MAGI2: variants seen among roughly 807,000 people sequenced by gnomAD.
MAGI2 encodes membrane-associated guanylate kinase, WW and PDZ domain-containing protein 2.
A neutral mutation model predicts 133.3 loss-of-function variants in MAGI2; 35 were observed. The observed-to-expected ratio is 0.26, with a 90% CI of 0.20 to 0.35. The LOEUF is 0.35. Among genes scored for constraint, MAGI2 ranks in the 10% least tolerant of loss-of-function variants. MAGI2 has a pLI of 1.00. For missense variants in MAGI2, 1,636 were observed against 1,863.4 expected (o/e 0.88, Z 2.25); for synonymous variants, 729 against 710.6 (o/e 1.03, Z -0.41).
intron 1 of MAGI2, among the ~76,000 whole-genome samples, chr7:79,060,540 G>T (rs1202033699): frequency 6.6e-6 from 1 of 152,038 alleles, no homozygotes; most frequent in East Asian, 1.9e-4. Context: ...TGATTTTGAA[G>T]ATTCTGTAAT....
chr7:79,112,971 A>G (rs1819053933), intron 1 of MAGI2, among the ~76,000 whole-genome samples: 1 of 152,218 alleles, frequency 6.6e-6, no homozygotes. Context: ...AAACATTGGG[A>G]ACATTGAGAA....
At chr7:78,256,656 G>T in intron 9 of MAGI2, 75 bp from the exon 10 acceptor site, 1 of 1,196,900 alleles carries the variant, frequency 8.4e-7, no homozygotes. Context: ...AATTATTTAC[G>T]AGACTAGTGA....
chr7:78,402,006 C>T (rs1398965580), intron 6 of MAGI2, among the ~76,000 whole-genome samples: 1 of 152,118 alleles, frequency 6.6e-6, no homozygotes, highest in Non-Finnish European at 1.5e-5. Flanking sequence ...AGAGGTTCCC[C>T]TCTTCTATGC....
At chr7:79,101,910 C>T (rs1818018599) in intron 1 of MAGI2, among the ~76,000 whole-genome samples, 1 of 151,506 alleles carries the variant, frequency 6.6e-6, no homozygotes, top group Admixed American at 6.6e-5. Flanking sequence ...CATACATTTT[C>T]AGAAACATAT....
At chr7:79,035,383 G>C (rs1811032896) in intron 1 of MAGI2, among the ~76,000 whole-genome samples, 1 of 152,124 alleles carries the variant, frequency 6.6e-6, no homozygotes, top group Non-Finnish European at 1.5e-5. Context: ...CATACTATGT[G>C]ATTGTGGAAC....
chr7:78,048,904 C>A (rs368201321), intron 21 of MAGI2, among the ~76,000 whole-genome samples: 22 of 151,704 alleles, frequency 1.5e-4, no homozygotes, highest in Admixed American at 9.9e-4. Flanking sequence ...GACAGGAGAT[C>A]GAGACCATCC....
intron 1 of MAGI2, among the ~76,000 whole-genome samples, chr7:79,359,362 G>A (rs568290623): frequency 2.6e-5 from 4 of 151,964 alleles, no homozygotes; most frequent in Admixed American, 6.6e-5. Flanking sequence ...AACAATAAAT[G>A]ATCCAACTTT....
intron 9 of MAGI2, among the ~76,000 whole-genome samples, chr7:78,325,044 C>T (rs1165383352): frequency 3.3e-5 from 5 of 152,178 alleles, no homozygotes; most frequent in African/African-American, 1.2e-4. Flanking sequence ...TCTATTTGTG[C>T]TTGTTCTCCC....
At chr7:79,205,718 C>T (rs961431885) in intron 1 of MAGI2, among the ~76,000 whole-genome samples, 6 of 150,768 alleles carry the variant, frequency 4.0e-5, no homozygotes, top group Non-Finnish European at 8.9e-5. Context: ...TTTAAAAATT[C>T]AAAATTTGGT....
intron 2 of MAGI2, among the ~76,000 whole-genome samples, chr7:78,661,485 T>C (rs1812953552): frequency 6.6e-6 from 1 of 152,220 alleles, no homozygotes; most frequent in Non-Finnish European, 1.5e-5. Context: ...TGACCATTTC[T>C]CTAGTCATCC....
At position 78,125,566 on chromosome 7, in the gene MAGI2, C is replaced by T. The variant is rs893351924; in HGVS notation, c.3567+128G>A. 12 of 822,344 alleles carry T rather than the reference C, an allele frequency of 1.5e-5. No homozygotes were observed. In the African/African-American group the frequency reaches 1.7e-4, roughly 12 times the overall value. The allele number at this position is 822,344 out of a possible 1,614,324, so 50.9% of individuals were successfully genotyped here. A position where few individuals can be genotyped will look rare whatever the true frequency, so the allele number is the denominator to read the frequency against. On this transcript the variant is annotated intron_variant, in intron 20 of 21. Coordinates refer to ENST00000354212, the MANE Select transcript of MAGI2 (RefSeq NM_012301.4). The stretch of plus-strand genomic sequence containing the variant: ...TGGCCAGACTTTTAAGAAACTGGGT[C>T]ATCATCAACTAGAAAGAGGGCAAAC...
chr7:78,070,212 T>C (rs75626295), intron 21 of MAGI2, among the ~76,000 whole-genome samples: 20,478 of 55,700 alleles, frequency 0.37, 2,346 homozygotes, highest in East Asian at 0.45. Flanking sequence ...TATATATATA[T>C]ATATATACAC....
At chr7:78,702,155 G>T (rs1349413563) in intron 2 of MAGI2, among the ~76,000 whole-genome samples, 1 of 151,982 alleles carries the variant, frequency 6.6e-6, no homozygotes, top group Non-Finnish European at 1.5e-5. Context: ...AACATTCACA[G>T]TACACATGGT....
chr7:78,855,973 T>C (rs1018481427), intron 2 of MAGI2, among the ~76,000 whole-genome samples: 3 of 152,214 alleles, frequency 2.0e-5, no homozygotes, highest in African/African-American at 7.2e-5. Context: ...GGTATCTCAT[T>C]GTGGTTTTGC....
chr7:78,897,944 T>C (rs903069399), intron 2 of MAGI2, among the ~76,000 whole-genome samples: 4 of 152,194 alleles, frequency 2.6e-5, no homozygotes, highest in African/African-American at 9.7e-5. Flanking sequence ...ACTATGCATG[T>C]GAGCAAAGGT....
At chr7:79,334,608 C>A (rs1840305513) in intron 1 of MAGI2, among the ~76,000 whole-genome samples, 3 of 151,786 alleles carry the variant, frequency 2.0e-5, no homozygotes, top group African/African-American at 7.3e-5. Context: ...GAGTACAGTC[C>A]CTATTTTAAA....
chr7:78,108,606 G>GTC (rs957711953), intron 20 of MAGI2, among the ~76,000 whole-genome samples: 3 of 149,738 alleles, frequency 2.0e-5, no homozygotes, highest in African/African-American at 4.9e-5. Flanking sequence ...ATTGGGGTCG[G>GTC]TCTCTCTCTC....
At chr7:78,050,394 A>G (rs1156645280) in intron 21 of MAGI2, among the ~76,000 whole-genome samples, 1 of 152,232 alleles carries the variant, frequency 6.6e-6, no homozygotes, top group East Asian at 1.9e-4. Context: ...TTAAGTCAGT[A>G]TTACAAAAAA....
chr7:78,278,331 T>G (rs543651581), intron 9 of MAGI2, among the ~76,000 whole-genome samples: 1 of 152,278 alleles, frequency 6.6e-6, no homozygotes, highest in South Asian at 2.1e-4. Context: ...GAAGTGAGGT[T>G]GTCTGCTCTA....
Sources: gnomAD v4.1 joint callset for allele counts (sites outside exome capture counted in the v4.1 genomes callset) on GRCh38, gnomAD v4.1.1 for gene constraint, MANE v1.5 for transcripts, NCBI Gene and HGNC (gene_info 2026-07-23, HGNC 2026-07-21) for gene names.